NOP58: variants seen among roughly 807,000 people sequenced by gnomAD.
The protein encoded by NOP58 is NOP58 ribonucleoprotein.
NOP58 carries 44 observed loss-of-function variants against 71.2 expected under a neutral mutation model. That is an observed-to-expected ratio of 0.62 (90% confidence interval 0.49 to 0.79). The LOEUF (loss-of-function observed/expected upper bound fraction) is 0.79, where lower values mean the gene tolerates loss of function less well. NOP58 is among the 30% of genes least tolerant of loss of function. NOP58 has a pLI of 0.00. For synonymous variants in NOP58, 228 were observed against 200.3 expected (o/e 1.14, Z -1.17); for missense variants, 538 against 620.2 (o/e 0.87, Z 1.41).
intron 1 of NOP58, 84 bp from the exon 2 acceptor site, chr2:202,275,029 C>T (rs1688568798): frequency 1.6e-6 from 1 of 631,542 alleles, no homozygotes; most frequent in Middle Eastern, 3.5e-4. Context: ...CTTCATTTTA[C>T]ATGTAAAATT....
At chr2:202,274,821 G>A (rs545747194) in intron 1 of NOP58, among the ~76,000 whole-genome samples, 2 of 152,144 alleles carry the variant, frequency 1.3e-5, no homozygotes, top group South Asian at 2.1e-4. Flanking sequence ...CTCCAGCTAC[G>A]GCCCAAGGCT....
intron 3 of NOP58, chr2:202,278,426 AAAAAGCT>A: frequency 2.8e-6 from 1 of 357,446 alleles, no homozygotes; most frequent in Non-Finnish European, 5.5e-6. Flanking sequence ...AAAATAATTT[AAAAAGCT>A]CTTCTGGGGG....
chr2:202,279,950 A>G (rs931670011), intron 3 of NOP58, among the ~76,000 whole-genome samples: 1 of 152,230 alleles, frequency 6.6e-6, no homozygotes, highest in Non-Finnish European at 1.5e-5. Flanking sequence ...CAGCTATAGA[A>G]GGTTTATAAT....
At chr2:202,267,154 T>C (rs1422350314) in intron 1 of NOP58, among the ~76,000 whole-genome samples, 6 of 152,214 alleles carry the variant, frequency 3.9e-5, no homozygotes, top group Admixed American at 3.9e-4. Flanking sequence ...GCGGTGCAAC[T>C]CTTCTGAGGT....
chr2:202,291,832 A>T (rs888540500), intron 8 of NOP58, among the ~76,000 whole-genome samples: 2 of 139,056 alleles, frequency 1.4e-5, no homozygotes, highest in African/African-American at 5.4e-5. Context: ...AAAAAAAAGG[A>T]TGGCAGACAA....
In NOP58 at chr2:202,292,842, T is replaced by A. The variant is rs777546014; in HGVS notation, c.846T>A (p.Ile282=). The change falls in exon 9 of 15, where the codon ATT becomes ATA. Residue 282 remains isoleucine (I), a synonymous_variant. Coordinates refer to ENST00000264279, the MANE Select transcript of NOP58 (RefSeq NM_015934.5). ...ATCTACAAAATCGAATGATGGCCAT[T>A]GCACCCAATGTTACAGTCATGGTTG... is the stretch of plus-strand genomic sequence containing the variant. The part of the protein sequence containing the change: ...YEYLQNRMMA[I]APNVTVMVGE... The A allele has an allele frequency of 6.8e-6, 11 of 1,613,408 alleles. No homozygotes were observed. The highest frequency in any genetic ancestry group is 9.3e-6 in the Non-Finnish European group (11 of 1,179,410).
intron 1 of NOP58, among the ~76,000 whole-genome samples, chr2:202,272,978 CA>C (rs1178103179): frequency 6.6e-6 from 1 of 152,072 alleles, no homozygotes; most frequent in South Asian, 2.1e-4. Flanking sequence ...ACTAAAAATA[CA>C]AAAAATTAGC....
chr2:202,294,317 CAA>C (rs1224149616), intron 9 of NOP58, among the ~76,000 whole-genome samples: 8 of 95,822 alleles, frequency 8.3e-5, no homozygotes, highest in Admixed American at 1.5e-4. Context: ...GCCTGGGTGA[CAA>C]GAGTGAAACT....
intron 12 of NOP58, among the ~76,000 whole-genome samples, chr2:202,299,616 A>G (rs565318800): frequency 2.6e-5 from 4 of 152,142 alleles, no homozygotes; most frequent in African/African-American, 9.6e-5. Context: ...AATTTTTTTA[A>G]TGTTCCTGTG....
intron 7 of NOP58, among the ~76,000 whole-genome samples, chr2:202,290,696 T>C (rs1198721107): frequency 2.0e-5 from 3 of 152,242 alleles, no homozygotes; most frequent in Non-Finnish European, 4.4e-5. Flanking sequence ...TTGCCGTCTG[T>C]ACTGTTAATA....
rs149035127 is a variant in NOP58, at chr2:202,270,921, C to T, written c.46-4192C>T. 1.1e-3 allele frequency among the ~76,000 whole-genome samples: 170 copies of T among 151,922 alleles called. 1 individual carries two copies. The highest frequency in any genetic ancestry group is 3.1e-3 in the African/African-American group (129 of 41,410). ...TGGCCAACATAGTGAAACCCCGTCTCTACTAAAAATACAAAAATTAGCCGG... is the reference window on the plus strand; with the variant it reads ...TGGCCAACATAGTGAAACCCCGTCTTTACTAAAAATACAAAAATTAGCCGG... On this transcript the variant is annotated intron_variant, in intron 1 of 14. Coordinates refer to ENST00000264279, the MANE Select transcript of NOP58 (RefSeq NM_015934.5).
intron 1 of NOP58, among the ~76,000 whole-genome samples, chr2:202,274,669 C>G (rs1041882695): frequency 3.3e-5 from 5 of 152,106 alleles, no homozygotes; most frequent in South Asian, 2.1e-4. Context: ...GGCCGAGGCA[C>G]TAGAATCTCA....
intron 14 of NOP58, 147 bp from the exon 15 acceptor site, chr2:202,303,239 A>T: frequency 7.4e-7 from 1 of 1,357,952 alleles, no homozygotes. Context: ...TCTAGAATTT[A>T]TTACTAAAAA....
At chr2:202,273,899 C>T (rs562583561) in intron 1 of NOP58, among the ~76,000 whole-genome samples, 2 of 150,792 alleles carry the variant, frequency 1.3e-5, no homozygotes, top group South Asian at 2.1e-4. Context: ...GCCGAGATTG[C>T]GCCACTGCAC....
At chr2:202,296,279 T>G (rs1260718573) in intron 10 of NOP58, among the ~76,000 whole-genome samples, 1 of 152,066 alleles carries the variant, frequency 6.6e-6, no homozygotes, top group Non-Finnish European at 1.5e-5. Flanking sequence ...CACTGCAACC[T>G]CCAGCTCCCT....
intron 4 of NOP58, among the ~76,000 whole-genome samples, chr2:202,282,846 A>T (rs890812123): frequency 3.3e-5 from 5 of 152,118 alleles, no homozygotes; most frequent in Admixed American, 3.3e-4. Flanking sequence ...GTAGGGGTGT[A>T]TTGCTGGAGA....
chr2:202,286,373 C>T (rs1042453973), intron 5 of NOP58, among the ~76,000 whole-genome samples: 10 of 149,814 alleles, frequency 6.7e-5, no homozygotes, highest in South Asian at 2.1e-4. Flanking sequence ...GGCATGGTGG[C>T]GGGCGCCTGT....
At chr2:202,298,558 G>A (rs185307903) in intron 12 of NOP58, among the ~76,000 whole-genome samples, 3 of 152,236 alleles carry the variant, frequency 2.0e-5, no homozygotes, top group Admixed American at 1.3e-4. Flanking sequence ...CTTGAAACCC[G>A]GGAGGCGGAG....
At position 202,303,094 on chromosome 2, in the gene NOP58, G is replaced by A. The variant is rs781308058; in HGVS notation, c.1539+37G>A. On this transcript the variant is annotated intron_variant, in intron 14 of 14. Coordinates refer to ENST00000264279, the MANE Select transcript of NOP58 (RefSeq NM_015934.5). ...TTTAATTATCGGTTTTCACTTGGAG[G>A]GGCCAGTTCTCTATATTTCAATCTA... The A allele has an allele frequency of 1.0e-5, 16 of 1,587,150 alleles. No homozygotes were observed. The South Asian group carries it at 1.5e-4, about 15-fold the overall frequency.
Sources: gnomAD v4.1 joint callset for allele counts (sites outside exome capture counted in the v4.1 genomes callset) on GRCh38, gnomAD v4.1.1 for gene constraint, MANE v1.5 for transcripts, NCBI Gene and HGNC (gene_info 2026-07-23, HGNC 2026-07-21) for gene names.